CACUL1: variants seen among roughly 807,000 people sequenced by gnomAD.
CACUL1 encodes CDK2-associated and cullin domain-containing protein 1.
A neutral mutation model predicts 45.2 loss-of-function variants in CACUL1; 13 were observed. The observed-to-expected ratio is 0.29, with a 90% CI of 0.19 to 0.46. The LOEUF is 0.46. Ranked by LOEUF, CACUL1 falls within the 20% of genes least tolerant of loss-of-function variation. The probability of loss-of-function intolerance (pLI) is 1.00; values close to 1 mark genes in which losing one functional copy is unlikely to be tolerated. For missense variants in CACUL1, 421 were observed against 471.4 expected, an observed-to-expected ratio of 0.89 and a Z score of 0.99; for synonymous variants, 197 against 174.2, an observed-to-expected ratio of 1.13 and a Z score of -1.03.
At position 118,754,920 on chromosome 10, in the gene CACUL1, G is replaced by A. The variant is rs986369274; in HGVS notation, c.-158C>T. 4.8e-6 allele frequency: 5 copies of A among 1,043,704 alleles called. No individual in the cohort carries two copies. Among genetic ancestry groups the A allele is most frequent in the African/African-American group, 3.4e-5 (2 of 59,076 alleles). The allele number at this position is 1,043,704 out of a possible 1,614,324, so 64.7% of individuals were successfully genotyped here. ...GCGCAGGGTCTCTCGCTCTCCGCGG[G>A]GCCGACTAGCTTGAAGACGCGGCTG... On this transcript the variant is annotated 5_prime_UTR_variant, in exon 1 of 9. Coordinates refer to ENST00000369151, the MANE Select transcript of CACUL1 (RefSeq NM_153810.5).
intron 7 of CACUL1, chr10:118,686,925 C>G: frequency 2.5e-6 from 1 of 405,226 alleles, no homozygotes; most frequent in South Asian, 5.3e-5. Context: ...AGGCCCTAAG[C>G]TACCTACAAA....
chr10:118,746,196 G>A (rs571457566), intron 1 of CACUL1, among the ~76,000 whole-genome samples: 2 of 148,668 alleles, frequency 1.3e-5, no homozygotes, highest in East Asian at 3.9e-4. Flanking sequence ...ATATTAACAA[G>A]GATAAAGTCA....
chr10:118,729,131 A>G, intron 3 of CACUL1, 164 bp downstream of exon 3: 1 of 560,762 alleles, frequency 1.8e-6, no homozygotes, highest in South Asian at 2.3e-5. Context: ...CAAATTAACA[A>G]TCTATTCCAA....
chr10:118,738,892 T>TA (rs150393133), intron 1 of CACUL1, among the ~76,000 whole-genome samples: 24,091 of 61,764 alleles, frequency 0.39, 5,257 homozygotes, highest in Non-Finnish European at 0.42. Flanking sequence ...CAAGTGCTCT[T>TA]AAAAAAAAAA....
At chr10:118,691,591 G>A in intron 6 of CACUL1, 188 bp from the exon 7 acceptor site, 1 of 521,796 alleles carries the variant, frequency 1.9e-6, no homozygotes, top group Non-Finnish European at 3.4e-6. Context: ...TTACAGGCCG[G>A]GTGCGGCGGC....
At chr10:118,728,010 T>C (rs1203866293) in intron 3 of CACUL1, among the ~76,000 whole-genome samples, 1 of 152,202 alleles carries the variant, frequency 6.6e-6, no homozygotes, top group Non-Finnish European at 1.5e-5. Context: ...TGAATAAAGA[T>C]TTTATAGTTA....
chr10:118,699,928 G>C (rs140903027), intron 5 of CACUL1, among the ~76,000 whole-genome samples: 2 of 152,118 alleles, frequency 1.3e-5, no homozygotes, highest in East Asian at 3.9e-4. Flanking sequence ...GATTACAGGC[G>C]TGAGCCACTG....
intron 5 of CACUL1, among the ~76,000 whole-genome samples, chr10:118,700,609 C>A (rs912345547): frequency 4.0e-5 from 6 of 151,016 alleles, no homozygotes; most frequent in African/African-American, 1.5e-4. Flanking sequence ...CCCAGCTACT[C>A]GGGAGGCTGA....
Position 118,707,578 on chromosome 10 carries a change from G to A in CACUL1, c.607C>T (p.Pro203Ser). The change falls in exon 4 of 9, where the codon CCA (proline) becomes TCA (serine). Residue 203 changes from proline (P) to serine (S), a missense_variant. Around this residue, in one of 2 missense-constraint regions of CACUL1, gnomAD observed 208 missense variants for 298.4 expected, o/e 0.70. Transcript: ENST00000369151. ...TTAAATCTTTCAATATAGAGATCTG[G>A]AGGGCTGGCCTGTGAGAAAGAACAG... ...RVSKELQASP[P>S]DLYIERFNIA... 6.5e-7 allele frequency: 1 copy of A among 1,534,440 alleles called. No individual in the cohort carries two copies.
chr10:118,677,109 G>C lies in CACUL1; in HGVS notation c.*9019C>G, dbSNP rs1845106130. 6.6e-6 allele frequency: 1 copy of C among 152,046 alleles called. No individual in the cohort carries two copies. The highest frequency in any genetic ancestry group is 6.6e-5 in the Admixed American group (1 of 15,264). The allele number at this position is 152,046 out of a possible 1,614,324, so 9.4% of individuals were successfully genotyped here. A position where few individuals can be genotyped will look rare whatever the true frequency, so the allele number is the denominator to read the frequency against. ...TACCAGCACCTTTCATAAAATAATTGACCATGGACAGCATGATTTCAAAAA... is the reference window on the plus strand; with the variant it reads ...TACCAGCACCTTTCATAAAATAATTCACCATGGACAGCATGATTTCAAAAA... On this transcript the variant is annotated 3_prime_UTR_variant, in exon 9 of 9. Coordinates refer to ENST00000369151, the MANE Select transcript of CACUL1 (RefSeq NM_153810.5).
intron 1 of CACUL1, 75 bp from the exon 2 acceptor site, chr10:118,730,485 T>C (rs1044171568): frequency 7.3e-7 from 1 of 1,361,800 alleles, no homozygotes; most frequent in Admixed American, 2.0e-5. Context: ...CATTTTGCAC[T>C]CTCAAATTCC....
chr10:118,730,511 T>C (rs1845687655), intron 1 of CACUL1, 101 bp from the exon 2 acceptor site: 1 of 1,145,268 alleles, frequency 8.7e-7, no homozygotes. Context: ...CTTACTCTTC[T>C]GATTTTACAC....
intron 3 of CACUL1, 162 bp downstream of exon 3, chr10:118,729,133 C>A: frequency 5.4e-6 from 3 of 560,634 alleles, no homozygotes; most frequent in Non-Finnish European, 9.3e-6. Context: ...AATTAACAAT[C>A]TATTCCAAAA....
intron 4 of CACUL1, among the ~76,000 whole-genome samples, chr10:118,704,788 C>T (rs998786017): frequency 1.3e-4 from 20 of 152,252 alleles, no homozygotes; most frequent in Non-Finnish European, 2.9e-5. Flanking sequence ...CAACCCCTCT[C>T]CACTGAAAGC....
At chr10:118,688,926 G>GACTT (rs796876100) in intron 7 of CACUL1, among the ~76,000 whole-genome samples, 4 of 152,242 alleles carry the variant, frequency 2.6e-5, no homozygotes, top group African/African-American at 7.2e-5. Flanking sequence ...ACAATTCAAA[G>GACTT]ACTTACTCTG....
At chr10:118,750,932 G>C (rs75429269) in intron 1 of CACUL1, among the ~76,000 whole-genome samples, 2,220 of 152,208 alleles carry the variant, frequency 0.015, 51 homozygotes, top group African/African-American at 0.05. Context: ...TCCCATCAGG[G>C]AAAATGCGGT....
chr10:118,747,407 T>C (rs957460474), intron 1 of CACUL1, among the ~76,000 whole-genome samples: 1 of 152,108 alleles, frequency 6.6e-6, no homozygotes, highest in South Asian at 2.1e-4. Context: ...ATTCCACTTG[T>C]ATGAAACCTT....
chr10:118,740,816 C>T (rs1845785099), intron 1 of CACUL1, among the ~76,000 whole-genome samples: 1 of 151,366 alleles, frequency 6.6e-6, no homozygotes, highest in South Asian at 2.1e-4. Flanking sequence ...GTCCTAGCTA[C>T]TCAGGAGGCT....
intron 3 of CACUL1, among the ~76,000 whole-genome samples, chr10:118,723,511 TTTTC>T (rs1226471688): frequency 2.6e-5 from 4 of 152,210 alleles, no homozygotes; most frequent in Non-Finnish European, 4.4e-5. Flanking sequence ...TCTGGAAACA[TTTTC>T]TTTCTATCTG....
Sources: allele counts gnomAD v4.1 joint callset (sites outside exome capture counted in the v4.1 genomes callset), GRCh38; gene constraint gnomAD v4.1.1; regional missense constraint gnomAD v4.1.1; transcripts MANE v1.5; gene names NCBI Gene and HGNC (gene_info 2026-07-23, HGNC 2026-07-21).